KCNJ3: variants seen among roughly 807,000 people sequenced by gnomAD.
KCNJ3 encodes the protein potassium inwardly rectifying channel subfamily J member 3.
KCNJ3 carries 4 observed loss-of-function variants against 39.2 expected under a neutral mutation model. The ratio of observed to expected loss-of-function variants is 0.10; its 90% confidence interval spans 0.05 to 0.23. KCNJ3 has a LOEUF of 0.23. KCNJ3 is among the 10% of genes least tolerant of loss of function. The probability of loss-of-function intolerance (pLI) is 1.00; values close to 1 mark genes in which losing one functional copy is unlikely to be tolerated. For synonymous variants in KCNJ3, 230 were observed against 237.4 expected (o/e 0.97, Z 0.29); for missense variants, 276 against 634.9 (o/e 0.43, Z 6.08).
intron 2 of KCNJ3, among the ~76,000 whole-genome samples, chr2:154,760,462 A>G (rs183110747): frequency 6.6e-6 from 1 of 152,156 alleles, no homozygotes; most frequent in East Asian, 1.9e-4. Context: ...CTTCCTTTAA[A>G]TTTAGTTGGT....
At chr2:154,759,268 T>C (rs886123143) in intron 2 of KCNJ3, among the ~76,000 whole-genome samples, 13 of 152,180 alleles carry the variant, frequency 8.5e-5, no homozygotes, top group Non-Finnish European at 1.8e-4. Context: ...GTTGAACTAA[T>C]ACTTTGATCT....
At chr2:154,714,112 T>C (rs1685144868) in intron 2 of KCNJ3, among the ~76,000 whole-genome samples, 1 of 152,210 alleles carries the variant, frequency 6.6e-6, no homozygotes, top group African/African-American at 2.4e-5. Flanking sequence ...CGAAACTGTG[T>C]CTTTTATAGC....
intron 2 of KCNJ3, among the ~76,000 whole-genome samples, chr2:154,761,706 T>C (rs904311258): frequency 3.3e-5 from 5 of 152,338 alleles, no homozygotes; most frequent in Non-Finnish European, 7.4e-5. Flanking sequence ...TTTACCATTA[T>C]ATGTGAATCC....
intron 2 of KCNJ3, among the ~76,000 whole-genome samples, chr2:154,778,369 G>A (rs1415843950): frequency 6.6e-6 from 1 of 152,096 alleles, no homozygotes; most frequent in Non-Finnish European, 1.5e-5. Context: ...ATATTTAAAG[G>A]CCAGTGCAAA....
chr2:154,784,888 AC>A (rs1201057021), intron 2 of KCNJ3, among the ~76,000 whole-genome samples: 1 of 152,186 alleles, frequency 6.6e-6, no homozygotes, highest in Non-Finnish European at 1.5e-5. Flanking sequence ...AATAGTACCT[AC>A]CTTACAGAAT....
At chr2:154,848,866 C>G (rs1687708159) in intron 2 of KCNJ3, among the ~76,000 whole-genome samples, 1 of 152,162 alleles carries the variant, frequency 6.6e-6, no homozygotes, top group African/African-American at 2.4e-5. Context: ...AAGAAAGGTT[C>G]ATTTCTTTCA....
chr2:154,743,814 CTGTTTT>C (rs1447826621), intron 2 of KCNJ3, among the ~76,000 whole-genome samples: 1 of 151,416 alleles, frequency 6.6e-6, no homozygotes, highest in Non-Finnish European at 1.5e-5. Flanking sequence ...AACACATTTT[CTGTTTT>C]TGTTTTTGTT....
chr2:154,849,743 G>A (rs1394556334), intron 2 of KCNJ3, among the ~76,000 whole-genome samples: 1 of 152,122 alleles, frequency 6.6e-6, no homozygotes, highest in Non-Finnish European at 1.5e-5. Flanking sequence ...TTAAGGACTT[G>A]TCAAATAACA....
At chr2:154,797,002 T>C (rs530851727) in intron 2 of KCNJ3, among the ~76,000 whole-genome samples, 2 of 152,300 alleles carry the variant, frequency 1.3e-5, no homozygotes, top group East Asian at 1.9e-4. Context: ...TATTGAGCAA[T>C]GTCTAGCGAA....
At chr2:154,812,646 T>C (rs973118128) in intron 2 of KCNJ3, among the ~76,000 whole-genome samples, 13 of 152,132 alleles carry the variant, frequency 8.5e-5, no homozygotes, top group Non-Finnish European at 1.9e-4. Flanking sequence ...TCTTTTAGAC[T>C]AAAGAATTTT....
intron 2 of KCNJ3, among the ~76,000 whole-genome samples, chr2:154,846,107 C>G (rs187889044): frequency 1.3e-5 from 2 of 152,218 alleles, no homozygotes; most frequent in East Asian, 3.9e-4. Flanking sequence ...GTAGTTACTA[C>G]AAAGTTAAGT....
chr2:154,819,806 G>A (rs1290649157), intron 2 of KCNJ3, among the ~76,000 whole-genome samples: 1 of 152,012 alleles, frequency 6.6e-6, no homozygotes, highest in Non-Finnish European at 1.5e-5. Flanking sequence ...TGGGATTACA[G>A]GCAGGAGCCA....
chr2:154,797,068 T>C (rs750615014), intron 2 of KCNJ3, among the ~76,000 whole-genome samples: 6 of 152,128 alleles, frequency 3.9e-5, no homozygotes, highest in Non-Finnish European at 5.9e-5. Context: ...GATGTTAAGA[T>C]TACTGGTCTC....
At chr2:154,753,218 C>T (rs529192466) in intron 2 of KCNJ3, among the ~76,000 whole-genome samples, 72 of 152,046 alleles carry the variant, frequency 4.7e-4, no homozygotes, top group African/African-American at 1.6e-3. Flanking sequence ...TATGACACTC[C>T]CCTGTTACTT....
intron 2 of KCNJ3, among the ~76,000 whole-genome samples, chr2:154,739,659 T>C (rs1011204369): frequency 2.0e-5 from 3 of 152,076 alleles, no homozygotes; most frequent in African/African-American, 7.2e-5. Flanking sequence ...ACTTCTTCTA[T>C]GCCCAGAGGC....
At chr2:154,748,720 T>C (rs1324516899) in intron 2 of KCNJ3, among the ~76,000 whole-genome samples, 1 of 152,136 alleles carries the variant, frequency 6.6e-6, no homozygotes, top group Non-Finnish European at 1.5e-5. Context: ...ATGACTTACA[T>C]CCTCAAGAAA....
chr2:154,749,468 CA>C (rs1685800749), intron 2 of KCNJ3, among the ~76,000 whole-genome samples: 1 of 151,984 alleles, frequency 6.6e-6, no homozygotes, highest in South Asian at 2.1e-4. Context: ...GGCAAATGAG[CA>C]AAAGATTTTT....
At chr2:154,808,975 C>T (rs1461163916) in intron 2 of KCNJ3, among the ~76,000 whole-genome samples, 2 of 152,144 alleles carry the variant, frequency 1.3e-5, no homozygotes, top group Non-Finnish European at 2.9e-5. Context: ...GGTGACCTTT[C>T]TGACAAAAGT....
intron 2 of KCNJ3, among the ~76,000 whole-genome samples, chr2:154,741,946 A>G (rs1192504834): frequency 6.6e-6 from 1 of 151,864 alleles, no homozygotes; most frequent in African/African-American, 2.4e-5. Context: ...AAACACATTC[A>G]TAATGTCGTG....
Sources: allele counts gnomAD v4.1 joint callset (sites outside exome capture counted in the v4.1 genomes callset), GRCh38; gene constraint gnomAD v4.1.1; transcripts MANE v1.5; gene names NCBI Gene and HGNC (gene_info 2026-07-23, HGNC 2026-07-21).